The following SPAG16 variants were observed in gnomAD, a reference collection of about 807,000 sequenced individuals.
The protein encoded by SPAG16 is sperm-associated antigen 16 protein.
In SPAG16, 86 loss-of-function variants were observed where a neutral mutation model predicts 80.4. That is an observed-to-expected ratio of 1.07 (90% CI 0.90 to 1.28). SPAG16 has a LOEUF of 1.28. SPAG16 is among the 50% of genes most tolerant of loss of function. The pLI is 0.00. For synonymous variants in SPAG16, 294 were observed against 265.9 expected (o/e 1.11, Z -1.03); for missense variants, 870 against 765.3 (o/e 1.14, Z -1.61).
rs190143567 is a variant in SPAG16, at chr2:213,975,906, G to A, written c.1401-38045G>A. Among the ~76,000 whole-genome samples, 7 of 151,752 alleles carry A rather than the reference G, an allele frequency of 4.6e-5. No individual in the cohort carries two copies. In the East Asian group the frequency reaches 5.8e-4, roughly 13 times the overall value. On this transcript the variant is annotated intron_variant, in intron 12 of 15. Coordinates refer to ENST00000331683, the MANE Select transcript of SPAG16 (RefSeq NM_024532.5). ...GCTCGGCTGGGTGGTTCTGGTTAAC[G>A]GGTTCTTGTGAAGTTGCCATCAGTG...
At chr2:213,461,652 C>A (rs1179844362) in intron 9 of SPAG16, among the ~76,000 whole-genome samples, 1 of 152,076 alleles carries the variant, frequency 6.6e-6, no homozygotes, top group African/African-American at 2.4e-5. Flanking sequence ...TTCAGGTTGG[C>A]AAGTGCCATT....
At chr2:214,180,258 A>C (rs2057269347) in intron 15 of SPAG16, among the ~76,000 whole-genome samples, 1 of 151,626 alleles carries the variant, frequency 6.6e-6, no homozygotes, top group Non-Finnish European at 1.5e-5. Context: ...GAATGCGGCA[A>C]GCCTGACATT....
intron 9 of SPAG16, among the ~76,000 whole-genome samples, chr2:213,437,259 A>T (rs1240086251): frequency 6.6e-6 from 1 of 152,202 alleles, no homozygotes; most frequent in Non-Finnish European, 1.5e-5. Context: ...TTAGAATCAC[A>T]TTGCCCATGC....
At chr2:214,259,746 G>T (rs1690997945) in intron 15 of SPAG16, among the ~76,000 whole-genome samples, 1 of 152,026 alleles carries the variant, frequency 6.6e-6, no homozygotes, top group African/African-American at 2.4e-5. Flanking sequence ...AAATTTGGTT[G>T]TTTTAATAGG....
chr2:213,923,975 A>G (rs1050169279), intron 11 of SPAG16: 4 of 152,228 alleles, frequency 2.6e-5, no homozygotes, highest in Non-Finnish European at 5.9e-5. Flanking sequence ...GAATTTACAC[A>G]GAAGTGGAAC....
chr2:213,702,598 C>T (rs1045796922), intron 10 of SPAG16, among the ~76,000 whole-genome samples: 1 of 152,110 alleles, frequency 6.6e-6, no homozygotes, highest in Admixed American at 6.5e-5. Flanking sequence ...AATATTTCAT[C>T]TTTGTATAGT....
Position 213,975,447 on chromosome 2 carries a change from G to T in SPAG16, c.1401-38504G>T, listed in dbSNP as rs1360841849. ...TAACATGTTCCTAAAGTAGGTCTAA[G>T]ATAATTTTAATATGTAATTATATAG... On this transcript the variant is annotated intron_variant, in intron 12 of 15. Transcript: ENST00000331683. Among the ~76,000 whole-genome samples, 5 of 151,666 alleles carry T rather than the reference G, an allele frequency of 3.3e-5. No homozygotes were observed. The East Asian group carries it at 9.7e-4, about 29-fold the overall frequency.
chr2:213,398,227 C>G (rs1256235490), intron 9 of SPAG16, among the ~76,000 whole-genome samples: 1 of 150,502 alleles, frequency 6.6e-6, no homozygotes, highest in Non-Finnish European at 1.5e-5. Flanking sequence ...CCTAACTGAT[C>G]TCTGCTTTTG....
intron 12 of SPAG16, among the ~76,000 whole-genome samples, chr2:213,960,487 T>C (rs181809538): frequency 2.9e-3 from 438 of 152,308 alleles, no homozygotes; most frequent in African/African-American, 1.0e-2. Context: ...AATCTAATAA[T>C]GTGGTAACTC....
At chr2:213,465,104 G>A (rs775953889) in intron 9 of SPAG16, among the ~76,000 whole-genome samples, 12 of 152,094 alleles carry the variant, frequency 7.9e-5, no homozygotes, top group South Asian at 2.1e-4. Flanking sequence ...GCCACTTCCC[G>A]TGGAAGGAAA....
intron 12 of SPAG16, among the ~76,000 whole-genome samples, chr2:214,005,601 C>T (rs1447524323): frequency 1.3e-5 from 2 of 152,156 alleles, no homozygotes; most frequent in African/African-American, 2.4e-5. Context: ...CGGCAGACTC[C>T]ATGGTAGATT....
chr2:214,281,003 A>T (rs768534521), intron 15 of SPAG16: 21 of 420,538 alleles, frequency 5.0e-5, no homozygotes, highest in Admixed American at 8.5e-5. Context: ...ACTGTAAGGG[A>T]TAGACAAACC....
chr2:213,986,528 A>G (rs1373696729), intron 12 of SPAG16, among the ~76,000 whole-genome samples: 2 of 152,082 alleles, frequency 1.3e-5, no homozygotes, highest in Non-Finnish European at 2.9e-5. Context: ...GTATATTTTA[A>G]GTAAAAGGAA....
intron 10 of SPAG16, among the ~76,000 whole-genome samples, chr2:213,724,716 G>T (rs1294750407): frequency 7.6e-6 from 1 of 131,034 alleles, no homozygotes; most frequent in African/African-American, 2.7e-5. Flanking sequence ...AATGGAGGTT[G>T]CAGTGAGCCG....
At chr2:213,520,161 G>A (rs2075604646) in intron 10 of SPAG16, among the ~76,000 whole-genome samples, 1 of 151,998 alleles carries the variant, frequency 6.6e-6, no homozygotes, top group African/African-American at 2.4e-5. Flanking sequence ...CACAAGCCAA[G>A]GAATGACCAG....
chr2:214,129,200 C>T (rs570356591), intron 14 of SPAG16, among the ~76,000 whole-genome samples: 2 of 152,254 alleles, frequency 1.3e-5, no homozygotes, highest in East Asian at 1.9e-4. Flanking sequence ...CACTCTGCCT[C>T]GCAAATTCTA....
rs1483724228 is a variant in SPAG16 at position 213,869,260 on chromosome 2, A to T, written c.1214+6632A>T. 8.2e-3 allele frequency among the ~76,000 whole-genome samples: 127 copies of T among 15,414 alleles called. 2 individuals are homozygous for T. The highest frequency in any genetic ancestry group is 0.011 in the African/African-American group (123 of 11,636). The allele number at this position is 15,414 out of a possible 152,430, so 10.1% of individuals were successfully genotyped here. On this transcript the variant is annotated intron_variant, in intron 11 of 15. Transcript: ENST00000331683. ...AAGAGCTAAAGTCCATGTCAAAAAA[A>T]AAAAATATATATATATATATGTATA...
chr2:213,982,185 T>C (rs1377837119), intron 12 of SPAG16, among the ~76,000 whole-genome samples: 1 of 149,460 alleles, frequency 6.7e-6, no homozygotes, highest in Non-Finnish European at 1.5e-5. Flanking sequence ...TTAACCTATA[T>C]TCTAAAGTTA....
intron 15 of SPAG16, among the ~76,000 whole-genome samples, chr2:214,407,643 T>C (rs1046585296): frequency 6.6e-6 from 1 of 152,244 alleles, no homozygotes; most frequent in Admixed American, 6.5e-5. Flanking sequence ...GTATAAACAC[T>C]TTCTCTATAA....
Sources: gnomAD v4.1 joint callset for allele counts (sites outside exome capture counted in the v4.1 genomes callset) on GRCh38, gnomAD v4.1.1 for gene constraint, MANE v1.5 for transcripts, NCBI Gene and HGNC (gene_info 2026-07-23, HGNC 2026-07-21) for gene names.